FRMD6: variants seen among roughly 807,000 people sequenced by gnomAD.
FRMD6 encodes the protein FERM domain-containing protein 6.
Under a neutral mutation model 73.2 loss-of-function variants are expected in FRMD6, and 37 were observed. The ratio of observed to expected loss-of-function variants is 0.51; its 90% CI spans 0.39 to 0.66. The LOEUF (loss-of-function observed/expected upper bound fraction) is 0.66. FRMD6 is among the 30% of genes least tolerant of loss of function. The probability of loss-of-function intolerance (pLI) is 0.00; values close to 1 mark genes in which losing one functional copy is unlikely to be tolerated. For synonymous variants in FRMD6, 273 were observed against 282.2 expected, an observed-to-expected ratio of 0.97 and a Z score of 0.33; for missense variants, 714 against 780.5, an observed-to-expected ratio of 0.91 and a Z score of 1.02.
intron 1 of FRMD6, among the ~76,000 whole-genome samples, chr14:51,652,795 G>A (rs1207468309): frequency 6.6e-6 from 1 of 152,202 alleles, no homozygotes; most frequent in Non-Finnish European, 1.5e-5. Context: ...TGTCAGGTAT[G>A]GACAGCTGCG....
intron 2 of FRMD6, among the ~76,000 whole-genome samples, chr14:51,591,476 A>G (rs1889391967): frequency 6.6e-6 from 1 of 152,242 alleles, no homozygotes; most frequent in African/African-American, 2.4e-5. Flanking sequence ...TATTTCTGAT[A>G]AGTTTTTTAC....
At chr14:51,518,726 C>T (rs980134978) in intron 1 of FRMD6, among the ~76,000 whole-genome samples, 2 of 152,144 alleles carry the variant, frequency 1.3e-5, no homozygotes, top group Admixed American at 1.3e-4. Context: ...AAAGTCAAAA[C>T]GATACAAGCC....
the FRMD6 span, among the ~76,000 whole-genome samples, chr14:51,483,925 A>G: frequency 6.6e-6 from 1 of 152,186 alleles, no homozygotes; most frequent in South Asian, 2.1e-4. Flanking sequence ...GATAAAACTG[A>G]GGCTTGCAGA....
chr14:51,603,379 A>G (rs544788984), intron 2 of FRMD6, among the ~76,000 whole-genome samples: 4 of 152,328 alleles, frequency 2.6e-5, no homozygotes, highest in Admixed American at 2.6e-4. Flanking sequence ...CAAAAATATC[A>G]TCAAAAAGCC....
At chr14:51,609,931 C>T (rs1396269107) in intron 2 of FRMD6, among the ~76,000 whole-genome samples, 2 of 152,176 alleles carry the variant, frequency 1.3e-5, no homozygotes, top group South Asian at 2.1e-4. Flanking sequence ...CTGCTCTGCT[C>T]AGTCAGCAGA....
chr14:51,460,274 T>C, the FRMD6 span, among the ~76,000 whole-genome samples: 4 of 152,160 alleles, frequency 2.6e-5, no homozygotes, highest in East Asian at 5.8e-4. Context: ...AGGGAACTGT[T>C]GGGGGAACTT....
Position 51,728,045 on chromosome 14 carries a change from A to G in FRMD6, c.*16A>G. On this transcript the variant is annotated 3_prime_UTR_variant, in exon 14 of 14. Transcript: ENST00000344768. The stretch of plus-strand genomic sequence containing the variant: ...TGTTGTGTAAAGTCCGTCTGTGTGC[A>G]GCTGTACAGGCAGCTTACTGTTTGC... 6.3e-7 allele frequency: 1 copy of G among 1,595,726 alleles called. No individual in the cohort carries two copies. Among genetic ancestry groups the G allele is most frequent in the Non-Finnish European group, 8.6e-7 (1 of 1,166,768 alleles).
At chr14:51,622,501 A>G (rs1447287732) in intron 2 of FRMD6, among the ~76,000 whole-genome samples, 1 of 152,152 alleles carries the variant, frequency 6.6e-6, no homozygotes, top group Non-Finnish European at 1.5e-5. Context: ...GTCCTTGGTT[A>G]TAGGAGGAAC....
At chr14:51,525,305 G>A (rs1311930524) in intron 1 of FRMD6, among the ~76,000 whole-genome samples, 3 of 151,864 alleles carry the variant, frequency 2.0e-5, no homozygotes, top group Non-Finnish European at 2.9e-5. Flanking sequence ...TTTTGCTCTT[G>A]TCACCCGGGC....
the FRMD6 span, among the ~76,000 whole-genome samples, chr14:51,482,894 G>C: frequency 3.3e-5 from 5 of 151,964 alleles, no homozygotes; most frequent in Non-Finnish European, 7.4e-5. Flanking sequence ...TAGAGACGGG[G>C]GGTTTCACTA....
In FRMD6 at chr14:51,701,144, A is replaced by G; in HGVS notation, c.279A>G (p.Gln93=). 6.4e-7 allele frequency: 1 copy of G among 1,564,968 alleles called. No homozygotes were observed. Among genetic ancestry groups the G allele is most frequent in the Non-Finnish European group, 8.7e-7 (1 of 1,152,716 alleles). Residue 93 remains glutamine, a synonymous_variant, in exon 4 of 14, where the codon CAA becomes CAG. Transcript: ENST00000344768. ...EWKKEASKVR[Q]YEVTWGIDQF... ...AGAAAGAGGCCAGCAAGGTACGACA[A>G]TACGAAGTCACTTGGGTGAGATTAC...
At chr14:51,429,706 C>T in the FRMD6 span, among the ~76,000 whole-genome samples, 1 of 152,304 alleles carries the variant, frequency 6.6e-6, no homozygotes, top group East Asian at 1.9e-4. Flanking sequence ...GACATTACTA[C>T]CTCTATGATC....
chr14:51,447,798 A>ATCTGTT, the FRMD6 span, among the ~76,000 whole-genome samples: 1 of 151,936 alleles, frequency 6.6e-6, no homozygotes, highest in African/African-American at 2.4e-5. Flanking sequence ...ACCCCTCAAC[A>ATCTGTT]CCACCATCCA....
At chr14:51,576,607 C>T (rs1300371254) in intron 2 of FRMD6, among the ~76,000 whole-genome samples, 1 of 152,178 alleles carries the variant, frequency 6.6e-6, no homozygotes, top group Middle Eastern at 3.2e-3. Flanking sequence ...TTGTACTCCC[C>T]TGCACCCCTA....
intron 1 of FRMD6, among the ~76,000 whole-genome samples, chr14:51,509,834 CA>C (rs1350628907): frequency 1.3e-5 from 2 of 152,056 alleles, no homozygotes; most frequent in Admixed American, 6.5e-5. Flanking sequence ...CCATGTTGGC[CA>C]AGCTGCTCTG....
At chr14:51,537,133 T>C (rs1458867338) in intron 1 of FRMD6, among the ~76,000 whole-genome samples, 1 of 152,260 alleles carries the variant, frequency 6.6e-6, no homozygotes, top group Non-Finnish European at 1.5e-5. Context: ...TGTAGTATCA[T>C]ACAGAATAGT....
intron 2 of FRMD6, among the ~76,000 whole-genome samples, chr14:51,592,504 G>A (rs1262439998): frequency 1.3e-5 from 2 of 152,202 alleles, no homozygotes; most frequent in East Asian, 3.8e-4. Context: ...AAACTTGCCA[G>A]CAGTTGCTGA....
At chr14:51,514,505 A>T (rs1467749301) in intron 1 of FRMD6, among the ~76,000 whole-genome samples, 2 of 152,264 alleles carry the variant, frequency 1.3e-5, no homozygotes, top group East Asian at 3.9e-4. Flanking sequence ...CCAGAACTTA[A>T]AGTAAAATAA....
intron 1 of FRMD6, among the ~76,000 whole-genome samples, chr14:51,494,603 C>T (rs951327716): frequency 1.3e-5 from 2 of 152,170 alleles, no homozygotes; most frequent in South Asian, 2.1e-4. Flanking sequence ...GAGTTGTGTG[C>T]TTGTGGTTCT....
Sources: allele counts gnomAD v4.1 joint callset (sites outside exome capture counted in the v4.1 genomes callset), GRCh38; gene constraint gnomAD v4.1.1; transcripts MANE v1.5; gene names NCBI Gene and HGNC (gene_info 2026-07-23, HGNC 2026-07-21).